The following MYO9A variants were observed in gnomAD, a reference collection of about 807,000 sequenced individuals.
The protein encoded by MYO9A is myosin IXA, also known as unconventional myosin-IXa.
MYO9A carries 103 observed loss-of-function variants against 293.3 expected under a neutral mutation model. The observed-to-expected ratio is 0.35, with a 90% CI of 0.30 to 0.41. The LOEUF (loss-of-function observed/expected upper bound fraction) is 0.41, where lower values mean the gene tolerates loss of function less well. MYO9A is among the 10% of genes least tolerant of loss of function. MYO9A has a pLI of 1.00. For missense variants in MYO9A, 2,685 were observed against 3,033.0 expected, an observed-to-expected ratio of 0.89 and a Z score of 2.69; for synonymous variants, 1,001 against 1,035.7, an observed-to-expected ratio of 0.97 and a Z score of 0.64.
chr15:72,045,024 T>A (rs2078340951), intron 2 of MYO9A, among the ~76,000 whole-genome samples: 1 of 152,250 alleles, frequency 6.6e-6, no homozygotes, highest in Non-Finnish European at 1.5e-5. Context: ...ACACTTCTAT[T>A]TAGTTTTACT....
rs115569639 is a variant in MYO9A at position 71,857,050 on chromosome 15, C to T, written c.6154-2481G>A. Among the ~76,000 whole-genome samples, 1,258 of 152,248 alleles carry T rather than the reference C, an allele frequency of 8.3e-3. 16 individuals carry two copies. The highest frequency in any genetic ancestry group is 0.028 in the African/African-American group (1,182 of 41,552). On this transcript the variant is annotated intron_variant, in intron 34 of 41. Transcript: ENST00000356056. ...ATTTTAGTCAAATGTTTTCCTAATG[C>T]TGGGACACAGATGTGCAAATACATA...
At chr15:72,041,450 T>C (rs1449437685) in intron 2 of MYO9A, 4 of 351,916 alleles carry the variant, frequency 1.1e-5, no homozygotes, top group African/African-American at 2.2e-5. Flanking sequence ...CTTCTTCTTC[T>C]TTTTTTCCCA....
intron 13 of MYO9A, 166 bp from the exon 14 acceptor site, chr15:71,960,262 G>T: frequency 1.6e-6 from 1 of 616,738 alleles, no homozygotes; most frequent in Non-Finnish European, 2.8e-6. Context: ...GGTCATGGAG[G>T]CAGATCCCTC....
chr15:71,827,025 C>G lies in MYO9A; in HGVS notation c.7202G>C (p.Ser2401Thr). 1 of 1,589,446 alleles carries G rather than the reference C, an allele frequency of 6.3e-7. No individual in the cohort carries two copies. Among genetic ancestry groups the G allele is most frequent in the Non-Finnish European group, 8.5e-7 (1 of 1,171,020 alleles). The part of the protein sequence containing the change: ...SEKSERSLAL[S>T]SLKTAGKSEP... ...AGACTTGCCAGCTGTCTTCAGGGAG[C>G]TAAGGGCTAAGCTTCTTTCTAATGC... Residue 2401 changes from serine to threonine, a missense_variant, in exon 42 of 42, where the codon AGC (serine) becomes ACC (threonine). By Grantham distance (58) the Ser-to-Thr change is moderately conservative. Around this residue, in one of 10 missense-constraint regions of MYO9A, gnomAD observed 350 missense variants for 328.9 expected, o/e 1.06. Transcript: ENST00000356056.
chr15:71,912,435 C>T (rs1287470), intron 19 of MYO9A, among the ~76,000 whole-genome samples: 151,436 of 152,212 alleles, frequency 0.99, 75,339 homozygotes, highest in Middle Eastern at 1. Context: ...TTTGTATTTT[C>T]AGTAGAGATG....
At chr15:71,932,978 C>A (rs911982386) in intron 18 of MYO9A, among the ~76,000 whole-genome samples, 1 of 150,628 alleles carries the variant, frequency 6.6e-6, no homozygotes, top group Non-Finnish European at 1.5e-5. Context: ...ACAAACAAAG[C>A]AAAATGAAAC....
chr15:71,944,708 T>C (rs1156985399), intron 15 of MYO9A, among the ~76,000 whole-genome samples: 1 of 152,174 alleles, frequency 6.6e-6, no homozygotes, highest in Non-Finnish European at 1.5e-5. Context: ...ATTAATCCAT[T>C]GATCCTTAAC....
intron 38 of MYO9A, 85 bp downstream of exon 38, chr15:71,849,951 A>G: frequency 2.0e-6 from 3 of 1,520,024 alleles, no homozygotes; most frequent in Non-Finnish European, 2.7e-6. Flanking sequence ...TTATGAACCC[A>G]TTCACTATGT....
chr15:71,957,485 CT>C lies in MYO9A; in HGVS notation c.2182+2415del, dbSNP rs993991265. Among the ~76,000 whole-genome samples the C allele has an allele frequency of 3.6e-3, 537 of 148,018 alleles. 3 individuals carry two copies. The highest frequency in any genetic ancestry group is 0.012 in the African/African-American group (481 of 40,476). ...ACAGAAGTAATTTATAAAAAAAGTC[CT>C]TTTTTTTTTAACAAAAGTTTATTTA... On this transcript the variant is annotated intron_variant, in intron 14 of 41. Transcript: ENST00000356056.
intron 1 of MYO9A, among the ~76,000 whole-genome samples, chr15:72,116,486 G>A (rs1043900783): frequency 2.6e-5 from 4 of 152,144 alleles, no homozygotes; most frequent in African/African-American, 9.7e-5. Context: ...AGTGAACACT[G>A]CATGATTTCT....
chr15:71,938,671 T>C lies in MYO9A; in HGVS notation c.2378+181A>G, dbSNP rs2058696861. 1.4e-5 allele frequency: 6 copies of C among 442,700 alleles called. No homozygotes were observed. The South Asian group carries it at 3.0e-4, about 22-fold the overall frequency. The allele number at this position is 442,700 out of a possible 1,614,324, so 27.4% of individuals were successfully genotyped here. On this transcript the variant is annotated intron_variant, in intron 16 of 41. Transcript: ENST00000356056. ...AAAGCCATTTTACCAGAAGCAACTG[T>C]AGACAAATCTTGTTAACTTTAACCT...
chr15:71,840,926 C>T lies in MYO9A; in HGVS notation c.6837+7919G>A, dbSNP rs535165420. Among the ~76,000 whole-genome samples the T allele has an allele frequency of 2.0e-5, 3 of 152,354 alleles. No homozygotes were observed. In the East Asian group the frequency reaches 5.8e-4, roughly 29 times the overall value. On this transcript the variant is annotated intron_variant, in intron 39 of 41. Coordinates refer to ENST00000356056, the MANE Select transcript of MYO9A (RefSeq NM_006901.4). Reference sequence around the variant, plus strand: ...GATTACAGGCGTGAGCCGCCGTGCCCAGCCTTAAGGCTTTCTTTGTACAAA... The same window carrying T: ...GATTACAGGCGTGAGCCGCCGTGCCTAGCCTTAAGGCTTTCTTTGTACAAA...
intron 1 of MYO9A, among the ~76,000 whole-genome samples, chr15:72,071,876 A>C (rs1414820504): frequency 5.3e-5 from 8 of 152,146 alleles, no homozygotes; most frequent in Non-Finnish European, 1.0e-4. Flanking sequence ...ACTACTGAGT[A>C]TCTACCCAAA....
chr15:71,960,125 A>G, intron 13 of MYO9A, 29 bp from the exon 14 acceptor site: 1 of 1,596,862 alleles, frequency 6.3e-7, no homozygotes, highest in African/African-American at 1.3e-5. Flanking sequence ...AGTGTTACTT[A>G]TGGGAAAAAA....
intron 32 of MYO9A, among the ~76,000 whole-genome samples, chr15:71,872,652 C>T (rs539010672): frequency 9.2e-5 from 14 of 152,102 alleles, no homozygotes; most frequent in Non-Finnish European, 1.8e-4. Flanking sequence ...AACCCCTGAT[C>T]AAAAGGTACA....
chr15:72,100,618 T>A (rs1672663728), intron 1 of MYO9A, among the ~76,000 whole-genome samples: 1 of 150,340 alleles, frequency 6.7e-6, no homozygotes, highest in African/African-American at 2.5e-5. Context: ...CGCCGCCCCG[T>A]CTGGGATGTG....
chr15:71,876,384 A>AGTG (rs1343170418), intron 31 of MYO9A, among the ~76,000 whole-genome samples: 2 of 148,158 alleles, frequency 1.3e-5, no homozygotes, highest in Admixed American at 1.3e-4. Flanking sequence ...GGCCTCCCAA[A>AGTG]GTGCTGGGAT....
chr15:71,879,664 C>T, intron 30 of MYO9A, 57 bp downstream of exon 30: 2 of 1,265,214 alleles, frequency 1.6e-6, no homozygotes, highest in Non-Finnish European at 1.1e-6. Flanking sequence ...TTCTACAGCG[C>T]TATCAAATTT....
chr15:71,871,718 TA>T (rs1169098371), intron 32 of MYO9A, among the ~76,000 whole-genome samples: 9 of 143,334 alleles, frequency 6.3e-5, no homozygotes, highest in Non-Finnish European at 1.5e-5. Context: ...AAGAAGAAAG[TA>T]AAAAAAAATG....
Sources: gnomAD v4.1 joint callset for allele counts (sites outside exome capture counted in the v4.1 genomes callset) on GRCh38, gnomAD v4.1.1 for gene constraint, gnomAD v4.1.1 regional missense constraint, MANE v1.5 for transcripts, NCBI Gene and HGNC (gene_info 2026-07-23, HGNC 2026-07-21) for gene names.